The following EPB41L4A variants were observed in gnomAD, a reference collection of about 807,000 sequenced individuals.
EPB41L4A encodes band 4.1-like protein 4A.
In EPB41L4A, 100 loss-of-function variants were observed where a neutral mutation model predicts 108.6. The observed-to-expected ratio is 0.92, with a 90% CI of 0.78 to 1.09. The LOEUF (loss-of-function observed/expected upper bound fraction) is 1.09, where lower values mean the gene tolerates loss of function less well. Ranked by LOEUF, EPB41L4A falls within the 50% of genes least tolerant of loss-of-function variation. The pLI is 0.00. For synonymous variants in EPB41L4A, 319 were observed against 289.0 expected, an observed-to-expected ratio of 1.10 and a Z score of -1.05; for missense variants, 1,030 against 842.7, an observed-to-expected ratio of 1.22 and a Z score of -2.75.
At chr5:112,160,055 C>T (rs1269529162), downstream of EPB41L4A, among the ~76,000 whole-genome samples, 2 of 150,108 alleles carry the variant, frequency 1.3e-5, no homozygotes, top group African/African-American at 4.9e-5. Flanking sequence ...GGATTATAGA[C>T]GCCCGCCACC....
Position 112,163,534 on chromosome 5 carries a change from G to C in EPB41L4A, c.*1456C>G, listed in dbSNP as rs937476033. The stretch of plus-strand genomic sequence containing the variant: ...CCAGAAAGGATGGTCAGTGGTAGGA[G>C]CAAAATAGGATTATATTAAAGAAGC... On this transcript the variant is annotated 3_prime_UTR_variant, in exon 23 of 23. Coordinates refer to ENST00000261486, the MANE Select transcript of EPB41L4A (RefSeq NM_022140.5). 3 of 152,170 alleles carry C rather than the reference G, an allele frequency of 2.0e-5. No homozygotes were observed. Among genetic ancestry groups the C allele is most frequent in the Admixed American group, 1.3e-4 (2 of 15,272 alleles). The allele number at this position is 152,170 out of a possible 1,614,324, so 9.4% of individuals were successfully genotyped here. A position where few individuals can be genotyped will look rare whatever the true frequency, so the allele number is the denominator to read the frequency against.
At chr5:112,142,185 A>G (rs940940373), downstream of EPB41L4A, among the ~76,000 whole-genome samples, 4 of 152,166 alleles carry the variant, frequency 2.6e-5, no homozygotes, top group Admixed American at 2.0e-4. Context: ...AACTTAAATA[A>G]TAGCCACTTA....
chr5:112,294,151 C>A (rs899515261), intron 2 of EPB41L4A, among the ~76,000 whole-genome samples: 2 of 152,208 alleles, frequency 1.3e-5, no homozygotes, highest in African/African-American at 4.8e-5. Flanking sequence ...TTCTTATAAT[C>A]CCAATAAGAA....
At chr5:112,178,996 A>G (rs953066652) in intron 18 of EPB41L4A, among the ~76,000 whole-genome samples, 1 of 152,070 alleles carries the variant, frequency 6.6e-6, no homozygotes. Context: ...GAGAAAACAC[A>G]AATCACCAAC....
chr5:112,359,585 G>C (rs1758582530), intron 1 of EPB41L4A, among the ~76,000 whole-genome samples: 1 of 150,920 alleles, frequency 6.6e-6, no homozygotes, highest in African/African-American at 2.4e-5. Flanking sequence ...CTGTCGCCCA[G>C]GCTAGAGTGC....
chr5:112,413,239 T>A (rs1762515604), intron 1 of EPB41L4A, among the ~76,000 whole-genome samples: 1 of 152,244 alleles, frequency 6.6e-6, no homozygotes, highest in African/African-American at 2.4e-5. Context: ...TCATGTTTTC[T>A]GAAATAGCTG....
At chr5:112,368,688 C>G (rs940732865) in intron 1 of EPB41L4A, among the ~76,000 whole-genome samples, 1 of 152,156 alleles carries the variant, frequency 6.6e-6, no homozygotes, top group Admixed American at 6.5e-5. Flanking sequence ...CAGCCTGTGT[C>G]TTAGTGGATG....
At chr5:112,369,946 T>A (rs1759380176) in intron 1 of EPB41L4A, among the ~76,000 whole-genome samples, 1 of 152,200 alleles carries the variant, frequency 6.6e-6, no homozygotes, top group African/African-American at 2.4e-5. Context: ...GTTTCCACCT[T>A]TATGGAAATC....
intron 12 of EPB41L4A, among the ~76,000 whole-genome samples, chr5:112,230,174 T>C (rs1038820302): frequency 6.6e-6 from 1 of 152,126 alleles, no homozygotes; most frequent in Non-Finnish European, 1.5e-5. Flanking sequence ...CAAATACAAA[T>C]TGTGCTGTTA....
chr5:112,277,074 T>C (rs1324535313), intron 3 of EPB41L4A, among the ~76,000 whole-genome samples: 2 of 152,212 alleles, frequency 1.3e-5, no homozygotes, highest in Non-Finnish European at 2.9e-5. Context: ...GCACAGACTA[T>C]TAAATATTTA....
At chr5:112,209,634 G>A (rs952534510) in intron 13 of EPB41L4A, among the ~76,000 whole-genome samples, 8 of 152,178 alleles carry the variant, frequency 5.3e-5, no homozygotes, top group African/African-American at 1.9e-4. Flanking sequence ...ATTTTCTGCG[G>A]AGAATGCAGA....
At position 112,358,632 on chromosome 5, in the gene EPB41L4A, T is replaced by TA. The variant is rs561066335; in HGVS notation, c.100-51143dup. On this transcript the variant is annotated intron_variant, in intron 1 of 22. Coordinates refer to ENST00000261486, the MANE Select transcript of EPB41L4A (RefSeq NM_022140.5). ...GGAGTAGAAACTGGTATATCCACTT[T>TA]AAAAAATAGCTGTCAGTACCTTCTA... 4.6e-5 allele frequency among the ~76,000 whole-genome samples: 7 copies of TA among 152,320 alleles called. No individual in the cohort carries two copies. In the South Asian group the frequency reaches 1.5e-3, roughly 32 times the overall value.
intron 17 of EPB41L4A, among the ~76,000 whole-genome samples, chr5:112,187,684 C>T (rs1300633893): frequency 6.6e-6 from 1 of 152,196 alleles, no homozygotes; most frequent in Non-Finnish European, 1.5e-5. Flanking sequence ...TGAATTCTTA[C>T]ACAAATCCCC....
chr5:112,366,465 G>C (rs1038409814), intron 1 of EPB41L4A, among the ~76,000 whole-genome samples: 14 of 152,158 alleles, frequency 9.2e-5, no homozygotes, highest in African/African-American at 3.1e-4. Context: ...CAACAACAGG[G>C]AGCTGCTCCC....
chr5:112,300,291 G>C (rs555008495), intron 2 of EPB41L4A, among the ~76,000 whole-genome samples: 1 of 152,240 alleles, frequency 6.6e-6, no homozygotes, highest in Admixed American at 6.5e-5. Context: ...GTGTTTTCAG[G>C]ATTTGTTTCA....
intron 1 of EPB41L4A, among the ~76,000 whole-genome samples, chr5:112,338,360 C>T (rs1445642690): frequency 6.6e-6 from 1 of 152,124 alleles, no homozygotes; most frequent in African/African-American, 2.4e-5. Flanking sequence ...GGTGACCCCC[C>T]TACCAACTCT....
At chr5:112,194,771 A>G in intron 16 of EPB41L4A, 126 bp from the exon 17 acceptor site, 2 of 581,472 alleles carry the variant, frequency 3.4e-6, no homozygotes, top group Non-Finnish European at 5.9e-6. Context: ...AAACATCAAG[A>G]GCTGTATTAT....
At chr5:112,207,695 G>C (rs557352770) in intron 13 of EPB41L4A, among the ~76,000 whole-genome samples, 1 of 151,952 alleles carries the variant, frequency 6.6e-6, no homozygotes, top group African/African-American at 2.4e-5. Context: ...TTAATCATTC[G>C]AAAAAAGCAA....
chr5:112,325,582 A>G (rs570140970), intron 1 of EPB41L4A, among the ~76,000 whole-genome samples: 2 of 152,304 alleles, frequency 1.3e-5, no homozygotes, highest in Admixed American at 1.3e-4. Context: ...GCATCTCTGT[A>G]TTATTTTTAA....
Sources: gnomAD v4.1 joint callset for allele counts (sites outside exome capture counted in the v4.1 genomes callset) on GRCh38, gnomAD v4.1.1 for gene constraint, MANE v1.5 for transcripts, NCBI Gene and HGNC (gene_info 2026-07-23, HGNC 2026-07-21) for gene names.